CEP63: variants seen among roughly 807,000 people sequenced by gnomAD.
CEP63 encodes centrosomal protein 63.
CEP63 carries 84 observed loss-of-function variants against 89.1 expected under a neutral mutation model. The observed-to-expected ratio is 0.94, with a 90% CI of 0.79 to 1.13. The LOEUF is 1.13. CEP63 is among the 50% of genes most tolerant of loss of function. The pLI, the probability that CEP63 is intolerant of heterozygous loss-of-function variation, is 0.00. For synonymous variants in CEP63, 267 were observed against 272.5 expected, an observed-to-expected ratio of 0.98 and a Z score of 0.20; for missense variants, 838 against 813.3, an observed-to-expected ratio of 1.03 and a Z score of -0.37.
chr3:134,752,221 C>T, the CEP63 span, among the ~76,000 whole-genome samples: 1 of 152,164 alleles, frequency 6.6e-6, no homozygotes, highest in East Asian at 1.9e-4. Context: ...CCAGAGAGAA[C>T]CCAAGAGTAG....
intron 3 of CEP63, among the ~76,000 whole-genome samples, chr3:134,518,821 T>G (rs1452367105): frequency 2.6e-5 from 4 of 151,378 alleles, no homozygotes; most frequent in African/African-American, 9.7e-5. Context: ...GAACAGAAAC[T>G]AATAAAATAG....
intron 9 of CEP63, 67 bp downstream of exon 9, chr3:134,547,539 T>A: frequency 7.6e-7 from 1 of 1,309,338 alleles, no homozygotes. Flanking sequence ...CATCATATTG[T>A]AAATGAATGT....
At chr3:134,594,467 C>T in the CEP63 span, among the ~76,000 whole-genome samples, 5 of 152,184 alleles carry the variant, frequency 3.3e-5, no homozygotes, top group African/African-American at 1.2e-4. Context: ...AATCTCGGCA[C>T]ATGCTCAGGG....
At chr3:134,691,850 C>G in the CEP63 span, among the ~76,000 whole-genome samples, 149,490 of 152,042 alleles carry the variant, frequency 0.98, 73,540 homozygotes, top group East Asian at 1. Context: ...CTCCTGAGTA[C>G]CTGGAATTAC....
chr3:134,683,538 C>T, the CEP63 span, among the ~76,000 whole-genome samples: 1 of 152,144 alleles, frequency 6.6e-6, no homozygotes, highest in Non-Finnish European at 1.5e-5. Context: ...TTGTTATCAA[C>T]ATAAACTCCA....
the CEP63 span, among the ~76,000 whole-genome samples, chr3:134,693,928 C>G: frequency 6.6e-6 from 1 of 152,252 alleles, no homozygotes; most frequent in Admixed American, 6.5e-5. Flanking sequence ...TTACCACTCA[C>G]TCTTCACGTT....
chr3:134,520,261 A>G (rs944094324), intron 3 of CEP63, among the ~76,000 whole-genome samples: 1 of 152,214 alleles, frequency 6.6e-6, no homozygotes, highest in African/African-American at 2.4e-5. Flanking sequence ...ACAAAAATTT[A>G]TTGATTCTTT....
At chr3:134,560,637 C>G (rs1260646661) in intron 14 of CEP63, among the ~76,000 whole-genome samples, 1 of 152,164 alleles carries the variant, frequency 6.6e-6, no homozygotes, top group Non-Finnish European at 1.5e-5. Context: ...GTTACCACTT[C>G]TGAACCTCAT....
At chr3:134,586,833 A>C (rs948654952) in intron 10 of CEP63, among the ~76,000 whole-genome samples, 1 of 152,182 alleles carries the variant, frequency 6.6e-6, no homozygotes, top group African/African-American at 2.4e-5. Flanking sequence ...TACACCAATC[A>C]AACATAGATT....
At chr3:134,662,349 C>T in the CEP63 span, among the ~76,000 whole-genome samples, 2 of 151,674 alleles carry the variant, frequency 1.3e-5, no homozygotes, top group South Asian at 2.1e-4. Context: ...ACAGAATTTG[C>T]TGCCACCTTC....
chr3:134,580,928 C>T (rs898511834), intron 10 of CEP63, among the ~76,000 whole-genome samples: 11 of 141,432 alleles, frequency 7.8e-5, no homozygotes, highest in African/African-American at 2.8e-4. Context: ...TGCAGATTAT[C>T]ATGAATTACC....
chr3:134,749,667 C>G, the CEP63 span, among the ~76,000 whole-genome samples: 1 of 124,676 alleles, frequency 8.0e-6, no homozygotes, highest in Non-Finnish European at 1.6e-5. Context: ...TGCAACTTTC[C>G]TTTCCTGTCC....
the CEP63 span, among the ~76,000 whole-genome samples, chr3:134,683,872 G>GTT: frequency 6.6e-6 from 1 of 151,948 alleles, no homozygotes; most frequent in South Asian, 2.1e-4. Context: ...CTGGGTTGGG[G>GTT]TCACCTGCCC....
chr3:134,541,167 G>T (rs375388210), intron 6 of CEP63, among the ~76,000 whole-genome samples: 1 of 152,074 alleles, frequency 6.6e-6, no homozygotes, highest in Non-Finnish European at 1.5e-5. Context: ...TTACAGTTGC[G>T]TATGTGTACT....
the CEP63 span, chr3:134,610,167 G>A: frequency 1.4e-5 from 22 of 1,592,736 alleles, no homozygotes; most frequent in Admixed American, 3.4e-5. Flanking sequence ...CCTGCCAGAC[G>A]CCCAGCAGAA....
At chr3:134,496,685 T>C (rs1940171415) in intron 2 of CEP63, among the ~76,000 whole-genome samples, 1 of 152,226 alleles carries the variant, frequency 6.6e-6, no homozygotes, top group Non-Finnish European at 1.5e-5. Context: ...TTTATGTCAT[T>C]ATCTGATTGA....
intron 2 of CEP63, among the ~76,000 whole-genome samples, chr3:134,505,656 C>T (rs1286950791): frequency 1.3e-5 from 2 of 152,066 alleles, no homozygotes; most frequent in Non-Finnish European, 2.9e-5. Context: ...TCTCCAAGGT[C>T]CCTGGATGAT....
intron 2 of CEP63, among the ~76,000 whole-genome samples, chr3:134,506,050 A>T (rs1943367124): frequency 6.6e-6 from 1 of 152,124 alleles, no homozygotes; most frequent in Non-Finnish European, 1.5e-5. Context: ...TCCTATCTTG[A>T]GTTTTCTACT....
chr3:134,502,987 A>G (rs1016723284), intron 2 of CEP63, among the ~76,000 whole-genome samples: 1 of 151,782 alleles, frequency 6.6e-6, no homozygotes, highest in Non-Finnish European at 1.5e-5. Context: ...CCCAAAAGCC[A>G]TTCAAGAGCA....
Sources: gnomAD v4.1 joint callset for allele counts (sites outside exome capture counted in the v4.1 genomes callset) on GRCh38, gnomAD v4.1.1 for gene constraint, MANE v1.5 for transcripts, NCBI Gene and HGNC (gene_info 2026-07-23, HGNC 2026-07-21) for gene names.